The following LUZP2 variants were observed in gnomAD, a reference collection of about 807,000 sequenced individuals.
LUZP2 encodes leucine zipper protein 2.
Under a neutral mutation model 51.6 loss-of-function variants are expected in LUZP2, and 52 were observed. That is an observed-to-expected ratio of 1.01 (90% CI 0.81 to 1.27). The LOEUF (loss-of-function observed/expected upper bound fraction) is 1.27, where lower values mean the gene tolerates loss of function less well. Among genes scored for constraint, LUZP2 ranks in the 50% most tolerant of loss-of-function variants. The probability of loss-of-function intolerance (pLI) is 0.00; values close to 1 mark genes in which losing one functional copy is unlikely to be tolerated. For missense variants in LUZP2, 436 were observed against 395.4 expected, an observed-to-expected ratio of 1.10 and a Z score of -0.87; for synonymous variants, 154 against 137.3, an observed-to-expected ratio of 1.12 and a Z score of -0.85.
intron 1 of LUZP2, among the ~76,000 whole-genome samples, chr11:24,574,515 T>C (rs748169233): frequency 6.6e-6 from 1 of 151,906 alleles, no homozygotes; most frequent in Non-Finnish European, 1.5e-5. Flanking sequence ...ATAATGCTAA[T>C]AATGCAAAGA....
At chr11:24,782,530 G>C (rs1849124318) in intron 5 of LUZP2, among the ~76,000 whole-genome samples, 1 of 151,914 alleles carries the variant, frequency 6.6e-6, no homozygotes, top group Non-Finnish European at 1.5e-5. Flanking sequence ...AAAAAATTCA[G>C]ATTGGTAAGC....
intron 6 of LUZP2, 108 bp from the exon 7 acceptor site, chr11:24,914,368 G>T: frequency 1.2e-6 from 1 of 806,032 alleles, no homozygotes; most frequent in South Asian, 1.6e-5. Context: ...GTTGGACTGT[G>T]CTTTGCTTGG....
At chr11:24,607,910 G>A (rs1283958829) in intron 1 of LUZP2, among the ~76,000 whole-genome samples, 1 of 151,434 alleles carries the variant, frequency 6.6e-6, no homozygotes, top group African/African-American at 2.4e-5. Context: ...GTGCAGTGGC[G>A]CGATCTAGGC....
intron 1 of LUZP2, among the ~76,000 whole-genome samples, chr11:24,615,132 T>C (rs972388531): frequency 7.2e-5 from 11 of 152,116 alleles, no homozygotes; most frequent in African/African-American, 2.2e-4. Context: ...TAAATATACA[T>C]ATATGCAGAA....
chr11:24,811,057 C>T (rs1850004763), intron 5 of LUZP2, among the ~76,000 whole-genome samples: 1 of 152,142 alleles, frequency 6.6e-6, no homozygotes, highest in East Asian at 1.9e-4. Flanking sequence ...ACTTGGGCCT[C>T]AGTTTGTCCA....
At chr11:24,933,629 A>G (rs1311187891) in intron 7 of LUZP2, among the ~76,000 whole-genome samples, 1 of 152,222 alleles carries the variant, frequency 6.6e-6, no homozygotes, top group African/African-American at 2.4e-5. Context: ...GAATTTGTTC[A>G]TAATGATTAT....
At chr11:25,022,766 TATG>T (rs1857377098) in intron 9 of LUZP2, among the ~76,000 whole-genome samples, 1 of 152,154 alleles carries the variant, frequency 6.6e-6, no homozygotes, top group African/African-American at 2.4e-5. Context: ...GCCCATTCAA[TATG>T]ATAATGGCTA....
Position 24,513,596 on chromosome 11 carries a change from C to T in LUZP2, c.62+16291C>T, listed in dbSNP as rs555849806. Among the ~76,000 whole-genome samples the T allele has an allele frequency of 6.6e-5, 10 of 152,190 alleles. No homozygotes were observed. The South Asian group carries it at 1.2e-3, about 19-fold the overall frequency. On this transcript the variant is annotated intron_variant, in intron 1 of 11. Transcript: ENST00000336930. ...GAATATTCTTAGGATCTATATAATA[C>T]GTGACTCATATGGTTTTTCCTGTGT...
intron 1 of LUZP2, among the ~76,000 whole-genome samples, chr11:24,575,256 T>C (rs1852605665): frequency 6.6e-6 from 1 of 152,156 alleles, no homozygotes; most frequent in South Asian, 2.1e-4. Context: ...TTCTTAGTCC[T>C]TTCTAATTCT....
At position 24,738,280 on chromosome 11, in the gene LUZP2, A is replaced by G. The variant is rs764885380; in HGVS notation, c.311A>G (p.Lys104Arg). The G allele has an allele frequency of 1.2e-6, 2 of 1,612,472 alleles. No individual in the cohort carries two copies. Among genetic ancestry groups the G allele is most frequent in the Admixed American group, 1.7e-5 (1 of 59,860 alleles). The part of the protein sequence containing the change: ...LQNQLKETSE[K>R]AEKHQATINF... ...AATCAGCTTAAGGAGACATCAGAGA[A>G]AGCAGAAAAACACCAGGCTACTGTA... Residue 104 changes from lysine (K) to arginine (R), a missense_variant, in exon 4 of 12, where the codon AAA (lysine) becomes AGA (arginine). Coordinates refer to ENST00000336930, the MANE Select transcript of LUZP2 (RefSeq NM_001009909.4).
chr11:24,781,446 C>T (rs1233917499), intron 5 of LUZP2, among the ~76,000 whole-genome samples: 3 of 151,910 alleles, frequency 2.0e-5, no homozygotes, highest in African/African-American at 7.3e-5. Context: ...AATATGTTGA[C>T]TCTGCAGTAA....
intron 4 of LUZP2, among the ~76,000 whole-genome samples, chr11:24,758,902 C>A: frequency 6.6e-6 from 1 of 151,606 alleles, no homozygotes; most frequent in South Asian, 2.1e-4. Flanking sequence ...GATGATCTTC[C>A]TCATTGAATT....
At chr11:24,796,858 C>A (rs1193437641) in intron 5 of LUZP2, among the ~76,000 whole-genome samples, 2 of 152,034 alleles carry the variant, frequency 1.3e-5, no homozygotes, top group Non-Finnish European at 2.9e-5. Context: ...AATAAATCCT[C>A]CTCATTAACA....
At chr11:24,975,991 T>C (rs961531231) in intron 7 of LUZP2, among the ~76,000 whole-genome samples, 8 of 152,026 alleles carry the variant, frequency 5.3e-5, no homozygotes, top group Non-Finnish European at 1.2e-4. Flanking sequence ...AAGGTGTCCA[T>C]ATATTTAGTT....
chr11:25,012,622 C>T (rs544850155), intron 9 of LUZP2, among the ~76,000 whole-genome samples: 1 of 152,192 alleles, frequency 6.6e-6, no homozygotes, highest in Admixed American at 6.6e-5. Flanking sequence ...GAAAAAAATG[C>T]TCAACATTAT....
At chr11:24,549,795 A>G (rs1851672250) in intron 1 of LUZP2, among the ~76,000 whole-genome samples, 2 of 152,112 alleles carry the variant, frequency 1.3e-5, no homozygotes, top group African/African-American at 4.8e-5. Flanking sequence ...GACAAATTGT[A>G]TCAATTTAAA....
intron 9 of LUZP2, among the ~76,000 whole-genome samples, chr11:25,015,885 A>T (rs1590837984): frequency 6.6e-6 from 1 of 150,670 alleles, no homozygotes; most frequent in Non-Finnish European, 1.5e-5. Context: ...TATAGTAGTG[A>T]AGTGTGAATT....
At chr11:24,747,145 T>C (rs1294129737) in intron 4 of LUZP2, among the ~76,000 whole-genome samples, 3 of 152,148 alleles carry the variant, frequency 2.0e-5, no homozygotes, top group African/African-American at 7.2e-5. Context: ...TTACCAGTGT[T>C]GGTCTTCTGG....
intron 5 of LUZP2, among the ~76,000 whole-genome samples, chr11:24,881,155 C>A (rs1852454531): frequency 1.3e-5 from 2 of 152,064 alleles, no homozygotes; most frequent in African/African-American, 2.4e-5. Flanking sequence ...TTGTAGTAAT[C>A]ATAACTTATG....
Sources: allele counts gnomAD v4.1 joint callset (sites outside exome capture counted in the v4.1 genomes callset), GRCh38; gene constraint gnomAD v4.1.1; transcripts MANE v1.5; gene names NCBI Gene and HGNC (gene_info 2026-07-23, HGNC 2026-07-21).